The following SNAPC1 variants were observed in gnomAD, a reference collection of about 807,000 sequenced individuals.
SNAPC1 encodes the protein snRNA-activating protein complex subunit 1.
In SNAPC1, 42 loss-of-function variants were observed where a neutral mutation model predicts 50.1. That is an observed-to-expected ratio of 0.84 (90% confidence interval 0.65 to 1.08). The LOEUF is 1.08. Among genes scored for constraint, SNAPC1 ranks in the 50% least tolerant of loss-of-function variants. The pLI is 0.00. For missense variants in SNAPC1, 477 were observed against 427.3 expected, an observed-to-expected ratio of 1.12 and a Z score of -1.02; for synonymous variants, 164 against 144.2, an observed-to-expected ratio of 1.14 and a Z score of -0.98.
In SNAPC1 at chr14:61,787,319, A is replaced by T. The variant is rs558635543; in HGVS notation, c.976+4922A>T. On this transcript the variant is annotated intron_variant, in intron 8 of 9. Transcript: ENST00000216294. ...AAACCTGACTGATGGCCAAACACGA[A>T]CAAAAAGAGAGGACATAAGGAAAAG... Among the ~76,000 whole-genome samples, 3 of 152,352 alleles carry T rather than the reference A, an allele frequency of 2.0e-5. No individual in the cohort carries two copies. The East Asian group carries it at 5.8e-4, about 29-fold the overall frequency.
intron 4 of SNAPC1, among the ~76,000 whole-genome samples, chr14:61,773,016 C>CA (rs773274884): frequency 2.0e-4 from 30 of 152,172 alleles, no homozygotes; most frequent in Non-Finnish European, 4.0e-4. Context: ...GCCTGTAATC[C>CA]ATTCTCACTG....
intron 6 of SNAPC1, among the ~76,000 whole-genome samples, chr14:61,778,400 C>G (rs548153653): frequency 3.3e-5 from 5 of 152,300 alleles, no homozygotes; most frequent in Admixed American, 6.5e-5. Context: ...CAGGATCAGG[C>G]TTTTGTAATA....
At chr14:61,790,683 C>T (rs549713531) in intron 8 of SNAPC1, among the ~76,000 whole-genome samples, 1 of 152,088 alleles carries the variant, frequency 6.6e-6, no homozygotes, top group African/African-American at 2.4e-5. Context: ...TGTCCAAGAC[C>T]TTCTAGATAA....
At chr14:61,782,477 G>A (rs935249368) in intron 8 of SNAPC1, 80 bp downstream of exon 8, 1 of 1,054,972 alleles carries the variant, frequency 9.5e-7, no homozygotes, top group Non-Finnish European at 1.4e-6. Context: ...TTATTTCCTT[G>A]TTAAGAAGGA....
rs768487544 is a variant in SNAPC1 at position 61,792,826 on chromosome 14, C to T, written c.996C>T (p.His332=). ...LRNKGNVQNI[H]KEDKPLSLSM... is the part of the protein sequence containing the mutation. ...TTCTAGGCAATGTGCAGAATATACA[C>T]AAGGAAGATAAACCTTTAAGTCTGA... Residue 332 remains histidine (H), a synonymous_variant, in exon 9 of 10, where the codon CAC becomes CAT. Coordinates refer to ENST00000216294, the MANE Select transcript of SNAPC1 (RefSeq NM_003082.4). 29 of 1,579,380 alleles carry T rather than the reference C, an allele frequency of 1.8e-5. No homozygotes were observed. The highest frequency in any genetic ancestry group is 2.4e-5 in the Non-Finnish European group (28 of 1,155,972).
intron 4 of SNAPC1, among the ~76,000 whole-genome samples, chr14:61,772,340 G>C (rs1317490388): frequency 6.6e-6 from 1 of 152,090 alleles, no homozygotes; most frequent in African/African-American, 2.4e-5. Flanking sequence ...TGCCACCCGG[G>C]TTCAAGCGAT....
At chr14:61,769,858 A>C (rs527249793) in intron 4 of SNAPC1, among the ~76,000 whole-genome samples, 22 of 152,342 alleles carry the variant, frequency 1.4e-4, no homozygotes, top group African/African-American at 5.1e-4. Context: ...GTAGAAAAGC[A>C]TTGCTTTGAG....
intron 4 of SNAPC1, among the ~76,000 whole-genome samples, chr14:61,773,769 G>A (rs1299456116): frequency 1.3e-5 from 2 of 149,140 alleles, no homozygotes; most frequent in Admixed American, 6.7e-5. Flanking sequence ...GCACGATCTC[G>A]GCTCACTGCA....
At chr14:61,771,642 G>T (rs1402373716) in intron 4 of SNAPC1, among the ~76,000 whole-genome samples, 1 of 152,166 alleles carries the variant, frequency 6.6e-6, no homozygotes, top group African/African-American at 2.4e-5. Context: ...TAATGTTTAT[G>T]TTTGGAGTTG....
rs770503207 is a variant in SNAPC1 at position 61,778,828 on chromosome 14, C to A, written c.763-20C>A. The stretch of plus-strand genomic sequence containing the variant: ...TGTTTGTGTGTTTTAACTTTTTTTT[C>A]CTTCTTATTTTACATCCAGAGATGT... On this transcript the variant is annotated intron_variant, in intron 6 of 9. Transcript: ENST00000216294. 6.7e-7 allele frequency: 1 copy of A among 1,502,270 alleles called. No individual in the cohort carries two copies. The highest frequency in any genetic ancestry group is 1.2e-5 in the South Asian group (1 of 80,176). The allele number at this position is 1,502,270 out of a possible 1,614,324, so 93.1% of individuals were successfully genotyped here. A position where few individuals can be genotyped will look rare whatever the true frequency, so the allele number is the denominator to read the frequency against.
At position 61,778,904 on chromosome 14, in the gene SNAPC1, C is replaced by A; in HGVS notation, c.819C>A (p.Val273=). 6.5e-7 allele frequency: 1 copy of A among 1,528,140 alleles called. No individual in the cohort carries two copies. Among genetic ancestry groups the A allele is most frequent in the Non-Finnish European group, 8.9e-7 (1 of 1,127,864 alleles). The allele number at this position is 1,528,140 out of a possible 1,614,324, so 94.7% of individuals were successfully genotyped here. The change falls in exon 7 of 10, where the codon GTC becomes GTA. Residue 273 remains valine (V), a synonymous_variant. Coordinates refer to ENST00000216294, the MANE Select transcript of SNAPC1 (RefSeq NM_003082.4). ...TAAAATCAAAGGCCTTTTCAGTTGT[C>A]ATACAGGTAAGTTATTCTTTAATAA... ...AKIKSKAFSV[V]IQASKSRRHR... is the part of the protein sequence containing the mutation.
chr14:61,789,155 C>G (rs1226009937), intron 8 of SNAPC1, among the ~76,000 whole-genome samples: 1 of 150,022 alleles, frequency 6.7e-6, no homozygotes, highest in Non-Finnish European at 1.5e-5. Context: ...CACTTGAACC[C>G]AGGAGACGGA....
chr14:61,777,238 G>A (rs1339858828), intron 5 of SNAPC1, among the ~76,000 whole-genome samples: 1 of 152,018 alleles, frequency 6.6e-6, no homozygotes, highest in Non-Finnish European at 1.5e-5. Flanking sequence ...TGATAGTCTC[G>A]GGAAGAAGAA....
At chr14:61,777,028 A>T (rs185494115) in intron 5 of SNAPC1, among the ~76,000 whole-genome samples, 12 of 152,220 alleles carry the variant, frequency 7.9e-5, no homozygotes, top group East Asian at 3.9e-4. Flanking sequence ...AGGAAAAAAA[A>T]TTTTTTTAAA....
At chr14:61,781,478 A>T (rs1002491728) in intron 7 of SNAPC1, among the ~76,000 whole-genome samples, 4 of 151,772 alleles carry the variant, frequency 2.6e-5, no homozygotes, top group African/African-American at 7.3e-5. Flanking sequence ...AAGGACAGAA[A>T]AAAGAATTGT....
At chr14:61,791,637 C>G (rs770551411) in intron 8 of SNAPC1, among the ~76,000 whole-genome samples, 2 of 152,110 alleles carry the variant, frequency 1.3e-5, no homozygotes, top group Non-Finnish European at 2.9e-5. Context: ...CACTTGAGGT[C>G]AGGAGTTTGA....
intron 8 of SNAPC1, among the ~76,000 whole-genome samples, chr14:61,783,789 T>C (rs2045095894): frequency 2.0e-5 from 3 of 152,114 alleles, no homozygotes; most frequent in Admixed American, 6.5e-5. Flanking sequence ...TCGCCCGCCT[T>C]GACCTCCCAA....
chr14:61,792,435 A>T (rs1354366003), intron 8 of SNAPC1, among the ~76,000 whole-genome samples: 1 of 152,192 alleles, frequency 6.6e-6, no homozygotes, highest in Non-Finnish European at 1.5e-5. Flanking sequence ...TAAACTCAAA[A>T]ATTACATTTG....
At position 61,795,647 on chromosome 14, in the gene SNAPC1, TA is replaced by T. The variant is rs1424134396; in HGVS notation, c.*668del. ...TATTAAGTATTTAAGTACTTTCTAA[TA>T]AAATCTTTAACAATAATAATGTAAA... is the stretch of plus-strand genomic sequence containing the variant. On this transcript the variant is annotated 3_prime_UTR_variant, in exon 10 of 10. Coordinates refer to ENST00000216294, the MANE Select transcript of SNAPC1 (RefSeq NM_003082.4). The T allele has an allele frequency of 6.6e-6, 1 of 152,044 alleles. No homozygotes were observed. Among genetic ancestry groups the T allele is most frequent in the Non-Finnish European group, 1.5e-5 (1 of 67,996 alleles). 9.4% of individuals were successfully genotyped at this position (152,044 alleles called of 1,614,324 possible).
Sources: gnomAD v4.1 joint callset for allele counts (sites outside exome capture counted in the v4.1 genomes callset) on GRCh38, gnomAD v4.1.1 for gene constraint, MANE v1.5 for transcripts, NCBI Gene and HGNC (gene_info 2026-07-23, HGNC 2026-07-21) for gene names.